The following ANK2 variants were observed in gnomAD, a reference collection of about 807,000 sequenced individuals.
The protein encoded by ANK2 is ankyrin-2.
ANK2 carries 83 observed loss-of-function variants against 360.5 expected under a neutral mutation model. The ratio of observed to expected loss-of-function variants is 0.23; its 90% confidence interval spans 0.19 to 0.28. The LOEUF is 0.28. Among genes scored for constraint, ANK2 ranks in the 10% least tolerant of loss-of-function variants. The probability of loss-of-function intolerance (pLI) is 1.00; values close to 1 mark genes in which losing one functional copy is unlikely to be tolerated. For synonymous variants in ANK2, 1,740 were observed against 1,759.5 expected (o/e 0.99, Z 0.28); for missense variants, 4,201 against 4,795.7 (o/e 0.88, Z 3.66).
At chr4:113,232,125 T>G (rs753152943) in intron 4 of ANK2, 36 bp from the exon 5 acceptor site, 19 of 1,430,738 alleles carry the variant, frequency 1.3e-5, no homozygotes, top group Non-Finnish European at 1.9e-5. Flanking sequence ...CTTATACAAA[T>G]GATTGAAGGT....
At chr4:112,733,428 A>G in the ANK2 span, among the ~76,000 whole-genome samples, 1 of 152,150 alleles carries the variant, frequency 6.6e-6, no homozygotes, top group Admixed American at 6.6e-5. Context: ...TATGTAGCCC[A>G]TAGCTCTACT....
intron 2 of ANK2, among the ~76,000 whole-genome samples, chr4:112,986,162 T>A (rs1392635170): frequency 6.6e-6 from 1 of 151,182 alleles, no homozygotes; most frequent in Non-Finnish European, 1.5e-5. Flanking sequence ...TCCAGGTAAG[T>A]TCAGTTTAAC....
At chr4:113,006,495 A>G (rs151170141) in intron 2 of ANK2, among the ~76,000 whole-genome samples, 1 of 152,324 alleles carries the variant, frequency 6.6e-6, no homozygotes, top group East Asian at 1.9e-4. Context: ...CCTTCAGATT[A>G]GCAAACATAA....
At chr4:112,930,866 C>T (rs541459582) in intron 2 of ANK2, among the ~76,000 whole-genome samples, 1 of 147,476 alleles carries the variant, frequency 6.8e-6, no homozygotes, top group South Asian at 2.1e-4. Flanking sequence ...CCAGCCTGGG[C>T]GACAGAGCAA....
chr4:113,088,912 T>G (rs917180471), intron 1 of ANK2, among the ~76,000 whole-genome samples: 1 of 152,190 alleles, frequency 6.6e-6, no homozygotes, highest in African/African-American at 2.4e-5. Flanking sequence ...AAACATGTCA[T>G]TTGATATTTT....
At chr4:112,712,104 A>G in the ANK2 span, among the ~76,000 whole-genome samples, 4 of 149,626 alleles carry the variant, frequency 2.7e-5, no homozygotes, top group African/African-American at 9.7e-5. Context: ...TTATTTTGAG[A>G]CAGAGTCTCA....
At chr4:113,228,548 G>T (rs1164222910) in intron 4 of ANK2, among the ~76,000 whole-genome samples, 1 of 152,076 alleles carries the variant, frequency 6.6e-6, no homozygotes, top group African/African-American at 2.4e-5. Flanking sequence ...TTAGTACATG[G>T]TATATATACG....
chr4:113,299,775 A>G (rs2073994048), intron 22 of ANK2, among the ~76,000 whole-genome samples: 1 of 152,118 alleles, frequency 6.6e-6, no homozygotes, highest in African/African-American at 2.4e-5. Flanking sequence ...TTTAAATGCA[A>G]ATCATTTTCC....
At chr4:112,857,571 A>T (rs1251886009) in intron 1 of ANK2, among the ~76,000 whole-genome samples, 1 of 152,204 alleles carries the variant, frequency 6.6e-6, no homozygotes, top group Non-Finnish European at 1.5e-5. Flanking sequence ...CGCATCATGG[A>T]TATTCCAAGC....
rs963413792 is a variant in ANK2 at position 113,087,990 on chromosome 4, T to A, written c.84+38178T>A. 6.6e-5 allele frequency among the ~76,000 whole-genome samples: 10 copies of A among 152,186 alleles called. No individual in the cohort carries two copies. The East Asian group carries it at 1.9e-3, about 29-fold the overall frequency. ...ATTTTAACCTCTGAACCTCAAAAGA[T>A]TTCATTTCAGACTGATTTTATTGGT... On this transcript the variant is annotated intron_variant, in intron 1 of 45. Coordinates refer to ENST00000357077, the MANE Select transcript of ANK2 (RefSeq NM_001148.6).
Position 113,381,741 on chromosome 4 carries a change from C to T in ANK2, c.*270C>T. 8.1e-7 allele frequency: 1 copy of T among 1,229,990 alleles called. No homozygotes were observed. Among genetic ancestry groups the T allele is most frequent in the South Asian group, 1.4e-5 (1 of 72,512 alleles). 76.2% of individuals were successfully genotyped at this position (1,229,990 alleles called of 1,614,324 possible). The stretch of plus-strand genomic sequence containing the variant: ...CTAACTGGCCTAATTAATGGGATAC[C>T]CCGACATTTCCACTGTTAGCAAATA... On this transcript the variant is annotated 3_prime_UTR_variant, in exon 46 of 46. Coordinates refer to ENST00000357077, the MANE Select transcript of ANK2 (RefSeq NM_001148.6).
chr4:113,023,651 A>T (rs760441151), intron 2 of ANK2, among the ~76,000 whole-genome samples: 19 of 152,318 alleles, frequency 1.2e-4, no homozygotes, highest in Non-Finnish European at 2.6e-4. Flanking sequence ...TCCACCGGCA[A>T]CATTTCATCT....
intron 19 of ANK2, 121 bp downstream of exon 19, chr4:113,287,824 A>G: frequency 1.2e-6 from 1 of 813,654 alleles, no homozygotes; most frequent in Middle Eastern, 2.2e-4. Context: ...TGAAATATAA[A>G]CTAATCATAA....
chr4:112,846,574 TC>T (rs1463048690), intron 1 of ANK2, among the ~76,000 whole-genome samples: 1 of 152,142 alleles, frequency 6.6e-6, no homozygotes, highest in African/African-American at 2.4e-5. Context: ...AACACTCCTC[TC>T]CTCTCTCTTG....
At chr4:113,347,547 T>C (rs2095007641) in intron 35 of ANK2, among the ~76,000 whole-genome samples, 1 of 152,226 alleles carries the variant, frequency 6.6e-6, no homozygotes, top group Non-Finnish European at 1.5e-5. Context: ...CATTATTACA[T>C]TTTATTTCTA....
intron 23 of ANK2, among the ~76,000 whole-genome samples, chr4:113,310,133 A>G (rs17045889): frequency 0.053 from 8,089 of 152,300 alleles, 254 homozygotes; most frequent in African/African-American, 0.062. Flanking sequence ...TGGGAGAAAT[A>G]AGAAAATTTG....
the ANK2 span, among the ~76,000 whole-genome samples, chr4:112,812,759 T>G: frequency 6.6e-6 from 1 of 152,208 alleles, no homozygotes; most frequent in Non-Finnish European, 1.5e-5. Flanking sequence ...AGTTGGCTTT[T>G]GGGGGCCTCT....
intron 14 of ANK2, among the ~76,000 whole-genome samples, chr4:113,266,162 T>A (rs904883588): frequency 3.9e-5 from 6 of 152,178 alleles, no homozygotes; most frequent in Admixed American, 3.9e-4. Context: ...TGTGTCCATG[T>A]GTTCTCATTG....
chr4:113,278,075 T>C, intron 16 of ANK2, 140 bp downstream of exon 16: 2 of 869,994 alleles, frequency 2.3e-6, no homozygotes, highest in African/African-American at 1.7e-5. Flanking sequence ...GGTGGCGATG[T>C]CTTCCATGAC....
Sources: allele counts gnomAD v4.1 joint callset (sites outside exome capture counted in the v4.1 genomes callset), GRCh38; gene constraint gnomAD v4.1.1; transcripts MANE v1.5; gene names NCBI Gene and HGNC (gene_info 2026-07-23, HGNC 2026-07-21).